Variants in PAX5 observed in about 807,000 individuals in gnomAD.
PAX5 encodes paired box protein Pax-5.
Under a neutral mutation model 43.7 loss-of-function variants are expected in PAX5, and 9 were observed. The ratio of observed to expected loss-of-function variants is 0.21; its 90% CI spans 0.12 to 0.36. The LOEUF is 0.36. PAX5 is among the 10% of genes least tolerant of loss of function. The pLI, the probability that PAX5 is intolerant of heterozygous loss-of-function variation, is 1.00. For missense variants in PAX5, 383 were observed against 532.7 expected (o/e 0.72, Z 2.77); for synonymous variants, 228 against 214.3 (o/e 1.06, Z -0.56).
intron 7 of PAX5, among the ~76,000 whole-genome samples, chr9:36,906,140 C>G (rs184551401): frequency 4.6e-5 from 7 of 152,298 alleles, no homozygotes; most frequent in Non-Finnish European, 8.8e-5. Context: ...ATGTGGTAGA[C>G]AGAAGAATAA....
rs1203761476 is a variant in PAX5, at chr9:36,882,286, A to ACT, written c.911-182_911-181insAG. Among the ~76,000 whole-genome samples, 5 of 151,882 alleles carry ACT rather than the reference A, an allele frequency of 3.3e-5. No individual in the cohort carries two copies. The highest frequency in any genetic ancestry group is 4.8e-5 in the African/African-American group (2 of 41,302). On this transcript the variant is annotated intron_variant, in intron 7 of 9. Transcript: ENST00000358127. This position sits in a 1 kb window ranked among gnomAD's most constrained non-coding sequence, Gnocchi z 4.4. Reference sequence around the variant, plus strand: ...CACACATACACACACACACACACACACACACACACTCATGCACACACATCT... The same window carrying ACT: ...CACACATACACACACACACACACACACTCACACACACTCATGCACACACATCT...
At chr9:36,950,800 C>T (rs967925672) in intron 6 of PAX5, among the ~76,000 whole-genome samples, 3 of 143,624 alleles carry the variant, frequency 2.1e-5, no homozygotes, top group African/African-American at 7.7e-5. Context: ...GAGCGCAATG[C>T]TGCAATCTTG....
chr9:36,917,262 C>T (rs1829798680), intron 7 of PAX5, among the ~76,000 whole-genome samples: 1 of 152,110 alleles, frequency 6.6e-6, no homozygotes, highest in African/African-American at 2.4e-5. Flanking sequence ...GACAGCTAAG[C>T]CACTGAGCTG....
At chr9:36,949,738 G>A (rs775926180) in intron 6 of PAX5, among the ~76,000 whole-genome samples, 6 of 152,164 alleles carry the variant, frequency 3.9e-5, no homozygotes, top group South Asian at 2.1e-4. Context: ...GCACACCACC[G>A]TCCTCTCCTC....
chr9:37,026,920 C>T (rs1564092703), intron 1 of PAX5, among the ~76,000 whole-genome samples: 1 of 152,214 alleles, frequency 6.6e-6, no homozygotes, highest in Non-Finnish European at 1.5e-5. Context: ...GGCCCGCCTC[C>T]GGGACAGCCA....
At chr9:36,958,807 T>G (rs1833712483) in intron 6 of PAX5, among the ~76,000 whole-genome samples, 1 of 152,152 alleles carries the variant, frequency 6.6e-6, no homozygotes, top group Non-Finnish European at 1.5e-5. Context: ...CCTCACCAAC[T>G]TACCACATAC....
intron 8 of PAX5, among the ~76,000 whole-genome samples, chr9:36,848,989 C>T (rs1271519502): frequency 6.6e-6 from 1 of 152,236 alleles, no homozygotes; most frequent in Admixed American, 6.5e-5. Context: ...TCTAGCCTTA[C>T]AGTGGTGAAT....
chr9:36,852,023 A>C (rs186894859), intron 8 of PAX5, among the ~76,000 whole-genome samples: 3 of 152,174 alleles, frequency 2.0e-5, no homozygotes, highest in Admixed American at 2.0e-4. Context: ...ACATGCATTC[A>C]CCTGTTGAGT....
chr9:36,843,979 G>A (rs1334885158), intron 9 of PAX5, among the ~76,000 whole-genome samples: 3 of 152,172 alleles, frequency 2.0e-5, no homozygotes, highest in Non-Finnish European at 4.4e-5. Context: ...GTGTTGTCCT[G>A]GCTGTGTCCC....
chr9:36,857,895 T>G (rs1316638403), intron 8 of PAX5, among the ~76,000 whole-genome samples: 4 of 152,224 alleles, frequency 2.6e-5, no homozygotes, highest in African/African-American at 4.8e-5. Context: ...ACGTCATGGT[T>G]TTTGTAAATA....
intron 5 of PAX5, among the ~76,000 whole-genome samples, chr9:36,973,145 G>T (rs866483603): frequency 3.3e-4 from 36 of 109,216 alleles, no homozygotes; most frequent in African/African-American, 1.1e-3. Flanking sequence ...AAAAGGAAAG[G>T]AAAGGAAAGG....
rs139271184 is a variant in PAX5 at position 36,871,029 on chromosome 9, CCT to C, written c.1012+10973_1012+10974del. ...TAAGCCAGGCCCAGAGTACTTTCTC[CCT>C]GTTTGCCCCCAACCAAGACTCAACC... On this transcript the variant is annotated intron_variant, in intron 8 of 9. Coordinates refer to ENST00000358127, the MANE Select transcript of PAX5 (RefSeq NM_016734.3). Among the ~76,000 whole-genome samples the C allele has an allele frequency of 4.6e-3, 705 of 152,302 alleles. 7 individuals are homozygous for C. Among genetic ancestry groups the C allele is most frequent in the Non-Finnish European group, 7.2e-3 (490 of 68,016 alleles).
intron 6 of PAX5, among the ~76,000 whole-genome samples, chr9:36,957,699 C>A (rs1833604003): frequency 6.6e-6 from 1 of 152,176 alleles, no homozygotes; most frequent in Admixed American, 6.5e-5. Flanking sequence ...TTAACACTTT[C>A]TATGCGTGCT....
At chr9:36,936,383 A>G (rs1831553032) in intron 6 of PAX5, among the ~76,000 whole-genome samples, 1 of 152,192 alleles carries the variant, frequency 6.6e-6, no homozygotes, top group Non-Finnish European at 1.5e-5. Context: ...AAGGGAGGGA[A>G]AGTTCCAGGG....
intron 5 of PAX5, among the ~76,000 whole-genome samples, chr9:37,000,310 T>C (rs1486419252): frequency 2.0e-5 from 3 of 152,122 alleles, no homozygotes; most frequent in East Asian, 1.9e-4. Flanking sequence ...CTCTGGTTGA[T>C]TGGGTTTGTC....
In PAX5 at chr9:37,015,055, G is replaced by A. The variant is rs2132471197; in HGVS notation, c.352C>T (p.Leu118=). The A allele has an allele frequency of 6.2e-7, 1 of 1,614,220 alleles. No homozygotes were observed. The highest frequency in any genetic ancestry group is 8.5e-7 in the Non-Finnish European group (1 of 1,180,032). ...TTGTCACACACCCGCTCTGCCAGCA[G>A]CCGGTCCCTGATCTCCCAGGCAAAC... is the stretch of plus-strand genomic sequence containing the variant. ...TMFAWEIRDR[L]LAERVCDNDT... Residue 118 remains leucine (L), a synonymous_variant, in exon 3 of 10, where the codon CTG becomes TTG. Transcript: ENST00000358127. The surrounding 1 kb of genome is among the most constrained non-coding windows in gnomAD (Gnocchi z 4.4).
At chr9:36,983,111 GTGAGCCA>G (rs1836079331) in intron 5 of PAX5, among the ~76,000 whole-genome samples, 1 of 152,132 alleles carries the variant, frequency 6.6e-6, no homozygotes, top group South Asian at 2.1e-4. Context: ...TTATAGATAG[GTGAGCCA>G]TGAACATAAC....
chr9:36,876,719 G>A (rs983948769), intron 8 of PAX5, among the ~76,000 whole-genome samples: 1 of 152,222 alleles, frequency 6.6e-6, no homozygotes, highest in Admixed American at 6.5e-5. Context: ...GCTGATATAA[G>A]ATGCTATATT....
chr9:36,846,692 A>G, intron 9 of PAX5, 151 bp downstream of exon 9: 1 of 559,214 alleles, frequency 1.8e-6, no homozygotes, highest in Non-Finnish European at 3.2e-6. Flanking sequence ...TAAGGCCCCC[A>G]TGAAAACACC....
Sources: gnomAD v4.1 joint callset for allele counts (sites outside exome capture counted in the v4.1 genomes callset) on GRCh38, gnomAD v4.1.1 for gene constraint, Gnocchi (gnomAD v3.1) non-coding constraint, MANE v1.5 for transcripts, NCBI Gene and HGNC (gene_info 2026-07-23, HGNC 2026-07-21) for gene names.